The following NRXN1 variants were observed in gnomAD, a reference collection of about 807,000 sequenced individuals.
NRXN1 encodes the protein neurexin 1.
NRXN1 carries 39 observed loss-of-function variants against 150.9 expected under a neutral mutation model. That is an observed-to-expected ratio of 0.26 (90% confidence interval 0.20 to 0.34). NRXN1 has a LOEUF of 0.34. NRXN1 is among the 10% of genes least tolerant of loss of function. The pLI is 1.00. For missense variants in NRXN1, 1,815 were observed against 1,949.9 expected, an observed-to-expected ratio of 0.93 and a Z score of 1.30; for synonymous variants, 924 against 757.0, an observed-to-expected ratio of 1.22 and a Z score of -3.62.
intron 18 of NRXN1, among the ~76,000 whole-genome samples, chr2:50,184,919 G>T (rs2060967705): frequency 6.6e-6 from 1 of 152,228 alleles, no homozygotes; most frequent in Middle Eastern, 3.4e-3. Flanking sequence ...GACAGAGGTA[G>T]GATTTGAATT....
chr2:50,340,492 T>C (rs528771741), intron 17 of NRXN1, among the ~76,000 whole-genome samples: 1 of 152,230 alleles, frequency 6.6e-6, no homozygotes, highest in African/African-American at 2.4e-5. Flanking sequence ...ACGCCATGGC[T>C]CCTGTGCACC....
At chr2:50,818,648 T>C (rs1669271387) in intron 5 of NRXN1, among the ~76,000 whole-genome samples, 2 of 151,588 alleles carry the variant, frequency 1.3e-5, no homozygotes, top group South Asian at 2.1e-4. Flanking sequence ...ACACCAAAAG[T>C]ACAGAAAAGA....
chr2:50,058,889 C>A (rs1558788173), intron 19 of NRXN1, among the ~76,000 whole-genome samples: 1 of 152,168 alleles, frequency 6.6e-6, no homozygotes. Context: ...GGCCTCCCAA[C>A]CATGTGGAAT....
intron 18 of NRXN1, among the ~76,000 whole-genome samples, chr2:50,122,520 G>T (rs1704003563): frequency 6.6e-6 from 1 of 152,192 alleles, no homozygotes; most frequent in South Asian, 2.1e-4. Context: ...CACAAAACAT[G>T]GGGCTTTGTT....
intron 18 of NRXN1, among the ~76,000 whole-genome samples, chr2:50,136,175 A>G (rs142174564): frequency 2.0e-3 from 302 of 152,330 alleles, no homozygotes; most frequent in African/African-American, 6.9e-3. Flanking sequence ...AATTGTGGAA[A>G]TTATTATGCA....
chr2:50,165,089 T>C (rs2059594093), intron 18 of NRXN1, among the ~76,000 whole-genome samples: 1 of 152,084 alleles, frequency 6.6e-6, no homozygotes, highest in African/African-American at 2.4e-5. Flanking sequence ...CCCTCTCTGA[T>C]CCTCACAACC....
intron 17 of NRXN1, among the ~76,000 whole-genome samples, chr2:50,444,744 A>G (rs995739858): frequency 1.3e-5 from 2 of 152,208 alleles, no homozygotes; most frequent in Middle Eastern, 3.2e-3. Flanking sequence ...CAAAATTTTA[A>G]ATAAAGACAA....
chr2:50,603,971 A>G (rs1676691576), intron 8 of NRXN1, among the ~76,000 whole-genome samples: 1 of 152,030 alleles, frequency 6.6e-6, no homozygotes, highest in Admixed American at 6.6e-5. Flanking sequence ...ATCTGGTTTG[A>G]TTGCTTTGTT....
At chr2:50,226,917 G>A (rs116652592) in intron 18 of NRXN1, among the ~76,000 whole-genome samples, 2,753 of 152,022 alleles carry the variant, frequency 0.018, 90 homozygotes, top group African/African-American at 0.062. Context: ...CTTCCAGAAT[G>A]CAAAGATTAT....
intron 2 of NRXN1, among the ~76,000 whole-genome samples, chr2:50,953,578 AT>A: frequency 6.9e-6 from 1 of 145,426 alleles, no homozygotes; most frequent in Admixed American, 6.9e-5. Context: ...TTTTTTTGAG[AT>A]GAAGTCTCGC....
intron 5 of NRXN1, among the ~76,000 whole-genome samples, chr2:50,794,407 C>T (rs1706496607): frequency 6.6e-6 from 1 of 152,058 alleles, no homozygotes; most frequent in Admixed American, 6.6e-5. Flanking sequence ...AAACATTCTG[C>T]AGTGTTTATA....
intron 9 of NRXN1, among the ~76,000 whole-genome samples, chr2:50,549,335 A>G (rs1483262463): frequency 6.6e-6 from 1 of 152,182 alleles, no homozygotes; most frequent in Admixed American, 6.5e-5. Context: ...AAATTACATT[A>G]AACACCCTTG....
At position 51,001,670 on chromosome 2, in the gene NRXN1, T is replaced by C. The variant is rs182683022; in HGVS notation, c.772+25832A>G. Among the ~76,000 whole-genome samples, 420 of 152,120 alleles carry C rather than the reference T, an allele frequency of 2.8e-3. 8 individuals carry two copies. The highest frequency in any genetic ancestry group is 1.3e-3 in the Non-Finnish European group (91 of 67,956). On this transcript the variant is annotated intron_variant, in intron 2 of 22. Coordinates refer to ENST00000401669, the MANE Select transcript of NRXN1 (RefSeq NM_001330078.2). Reference sequence around the variant, plus strand: ...ATTATAAAAAATAAAATTCCCACAATTCACGCTATTTTAAAAAATATCAGC... The same window carrying C: ...ATTATAAAAAATAAAATTCCCACAACTCACGCTATTTTAAAAAATATCAGC...
At chr2:50,480,169 T>C (rs1269988383) in intron 15 of NRXN1, among the ~76,000 whole-genome samples, 2 of 152,182 alleles carry the variant, frequency 1.3e-5, no homozygotes, top group East Asian at 3.9e-4. Flanking sequence ...ATAGTGTAAC[T>C]TGATAGAGTA....
intron 8 of NRXN1, among the ~76,000 whole-genome samples, chr2:50,617,850 C>T (rs1679302908): frequency 6.6e-6 from 1 of 152,088 alleles, no homozygotes; most frequent in Non-Finnish European, 1.5e-5. Context: ...TAATCTGAAG[C>T]ACGGTTTAAT....
chr2:50,196,476 C>T (rs568874528), intron 18 of NRXN1, among the ~76,000 whole-genome samples: 24 of 152,190 alleles, frequency 1.6e-4, no homozygotes, highest in African/African-American at 4.1e-4. Context: ...ACTTTCCACA[C>T]GAAATGATTT....
intron 2 of NRXN1, among the ~76,000 whole-genome samples, chr2:50,983,705 C>A (rs1017045598): frequency 1.3e-5 from 2 of 152,004 alleles, no homozygotes; most frequent in African/African-American, 4.8e-5. Context: ...AAAGAAAAAA[C>A]ATAAAATAAA....
In NRXN1 at chr2:50,584,920, T is replaced by C. The variant is rs1246873570; in HGVS notation, c.1321-31895A>G. Among the ~76,000 whole-genome samples the C allele has an allele frequency of 5.3e-5, 8 of 152,298 alleles. No homozygotes were observed. The South Asian group carries it at 1.0e-3, about 20-fold the overall frequency. On this transcript the variant is annotated intron_variant, in intron 8 of 22. Transcript: ENST00000401669. ...ACAAAATAAAATAGATGAATAATTCTGGGATGTTCTCGAGTGTGGCATATA... is the reference window on the plus strand; with the variant it reads ...ACAAAATAAAATAGATGAATAATTCCGGGATGTTCTCGAGTGTGGCATATA...
At chr2:50,554,951 T>G (rs1301264630) in intron 8 of NRXN1, among the ~76,000 whole-genome samples, 2 of 152,162 alleles carry the variant, frequency 1.3e-5, no homozygotes, top group Non-Finnish European at 2.9e-5. Context: ...CATTAATTCT[T>G]AAGAATACTT....
Sources: allele counts gnomAD v4.1 joint callset (sites outside exome capture counted in the v4.1 genomes callset), GRCh38; gene constraint gnomAD v4.1.1; transcripts MANE v1.5; gene names NCBI Gene and HGNC (gene_info 2026-07-23, HGNC 2026-07-21).